The following KAT14 variants were observed in gnomAD, a reference collection of about 807,000 sequenced individuals.
KAT14 encodes cysteine-rich protein 2-binding protein.
A neutral mutation model predicts 78.4 loss-of-function variants in KAT14; 66 were observed. The ratio of observed to expected loss-of-function variants is 0.84; its 90% CI spans 0.69 to 1.03. KAT14 has a LOEUF of 1.03. Ranked by LOEUF, KAT14 falls within the 50% of genes least tolerant of loss-of-function variation. The pLI, the probability that KAT14 is intolerant of heterozygous loss-of-function variation, is 0.00. For missense variants in KAT14, 870 were observed against 972.5 expected, an observed-to-expected ratio of 0.89 and a Z score of 1.40; for synonymous variants, 344 against 359.4, an observed-to-expected ratio of 0.96 and a Z score of 0.48.
intron 8 of KAT14, 119 bp downstream of exon 8, chr20:18,181,965 A>G: frequency 6.8e-7 from 1 of 1,467,384 alleles, no homozygotes; most frequent in Non-Finnish European, 9.1e-7. Flanking sequence ...CAACATTGGC[A>G]AGGACTGAGT....
At chr20:18,166,970 C>T (rs553870838) in intron 7 of KAT14, among the ~76,000 whole-genome samples, 2 of 152,306 alleles carry the variant, frequency 1.3e-5, no homozygotes, top group East Asian at 3.9e-4. Flanking sequence ...CTTCTGGGCT[C>T]AGGATGCTGG....
chr20:18,162,518 A>T lies in KAT14; in HGVS notation c.1241A>T (p.Glu414Val), dbSNP rs1445700739. Residue 414 changes from glutamate to valine, a missense_variant, in exon 7 of 11, where the codon GAG (glutamate) becomes GTG (valine). Glu to Val is a moderately radical substitution (Grantham distance 121). Coordinates refer to ENST00000688188, the MANE Select transcript of KAT14 (RefSeq NM_001392073.1). ...RGPEQIKQEV[E>V]SEEEKPDRMD... Reference sequence around the variant, plus strand: ...CCTGAACAGATAAAGCAGGAGGTAGAGAGTGAGGAGGAAAAACCCGACAGG... The same window carrying T: ...CCTGAACAGATAAAGCAGGAGGTAGTGAGTGAGGAGGAAAAACCCGACAGG... 6.2e-7 allele frequency: 1 copy of T among 1,614,024 alleles called. No individual in the cohort carries two copies. Among genetic ancestry groups the T allele is most frequent in the Non-Finnish European group, 8.5e-7 (1 of 1,180,036 alleles).
At chr20:18,149,852 A>G (rs1010119021) in intron 3 of KAT14, among the ~76,000 whole-genome samples, 1 of 152,144 alleles carries the variant, frequency 6.6e-6, no homozygotes, top group Non-Finnish European at 1.5e-5. Context: ...TGGGAGGCTG[A>G]GGCAGGAAAA....
rs1159439248 is a variant in KAT14 at position 18,181,720 on chromosome 20, C to T, written c.1679C>T (p.Pro560Leu). The change falls in exon 8 of 11, where the codon CCG becomes CTG. Residue 560 changes from proline to leucine, a missense_variant. Transcript: ENST00000688188. ...RILDRYQTSLPSRKGFRHQTT... is the reference protein window; with the variant it reads ...RILDRYQTSLLSRKGFRHQTT... ...GTTTCTTTCTCATAGACTTCCTTGCCGTCCAGGAAGGGATTTCGACACCAG... is the reference window on the plus strand; with the variant it reads ...GTTTCTTTCTCATAGACTTCCTTGCTGTCCAGGAAGGGATTTCGACACCAG... The T allele has an allele frequency of 7.4e-6, 12 of 1,613,952 alleles. No homozygotes were observed. In the Admixed American group the frequency reaches 8.3e-5, roughly 11 times the overall value.
rs1391568121 is a variant in KAT14, at chr20:18,142,810, A to C, written c.150A>C (p.Leu50Phe). Residue 50 changes from leucine (L) to phenylalanine (F), a missense_variant, in exon 2 of 11, where the codon TTA becomes TTC. By Grantham distance (22) the Leu-to-Phe change is conservative (BLOSUM62 0). Transcript: ENST00000688188. ...CCGAGGATCAGGCATCAGTGGACTT[A>C]TCGCACGACCAGAGTGGGGATTCCC... ...VESEDQASVD[L>F]SHDQSGDSLN... 1 of 1,614,104 alleles carries C rather than the reference A, an allele frequency of 6.2e-7. No individual in the cohort carries two copies. Among genetic ancestry groups the C allele is most frequent in the Non-Finnish European group, 8.5e-7 (1 of 1,180,046 alleles).
intron 3 of KAT14, among the ~76,000 whole-genome samples, chr20:18,147,744 C>T (rs932491775): frequency 5.3e-5 from 8 of 152,118 alleles, no homozygotes; most frequent in African/African-American, 1.7e-4. Flanking sequence ...GCCACCATGC[C>T]TGGCTAATTT....
rs750866430 is a variant in KAT14, at chr20:18,162,697, C to T, written c.1420C>T (p.Leu474=). Residue 474 remains leucine (L), a synonymous_variant, in exon 7 of 11, where the codon CTG becomes TTG. Transcript: ENST00000688188. ...CGAGGAAAAGCTGCTGCTCAAGAGG[C>T]TGGAAGCTTGTCCCGGTGCTGTTGC... ...IYEEKLLLKR[L]EACPGAVAMT... The T allele has an allele frequency of 1.2e-6, 2 of 1,614,236 alleles. No individual in the cohort carries two copies. Among genetic ancestry groups the T allele is most frequent in the Admixed American group, 1.7e-5 (1 of 60,024 alleles).
intron 5 of KAT14, among the ~76,000 whole-genome samples, chr20:18,160,897 G>A (rs750351422): frequency 1.2e-4 from 19 of 152,150 alleles, no homozygotes; most frequent in South Asian, 2.1e-4. Flanking sequence ...TAATAAGGCC[G>A]GGCATGGTGG....
At chr20:18,153,747 T>C (rs2038129780) in intron 4 of KAT14, among the ~76,000 whole-genome samples, 1 of 152,254 alleles carries the variant, frequency 6.6e-6, no homozygotes, top group Non-Finnish European at 1.5e-5. Flanking sequence ...ACCGGAATTA[T>C]TATTTATTTG....
chr20:18,178,626 A>G (rs1346831055), intron 7 of KAT14, among the ~76,000 whole-genome samples: 2 of 152,172 alleles, frequency 1.3e-5, no homozygotes, highest in East Asian at 1.9e-4. Flanking sequence ...TGAGAACAGT[A>G]TGGTGGAAAC....
intron 1 of KAT14, 96 bp downstream of exon 1, chr20:18,138,147 T>G (rs2037368221): frequency 2.2e-6 from 3 of 1,340,936 alleles, no homozygotes; most frequent in Admixed American, 8.1e-5. Flanking sequence ...CAGCTCCTCT[T>G]CGTGTCTTTC....
intron 1 of KAT14, 78 bp from the exon 2 acceptor site, chr20:18,142,130 G>A (rs2037610371): frequency 1.0e-5 from 14 of 1,406,652 alleles, no homozygotes; most frequent in Admixed American, 2.7e-5. Context: ...TGGTAACACT[G>A]TTATTTGGAT....
At chr20:18,152,305 G>A (rs901713592) in intron 4 of KAT14, among the ~76,000 whole-genome samples, 4 of 151,744 alleles carry the variant, frequency 2.6e-5, no homozygotes, top group Non-Finnish European at 4.4e-5. Flanking sequence ...GGCTGGGCCC[G>A]GTAGCTCAGG....
chr20:18,141,922 GTTT>G (rs201293392), intron 1 of KAT14, among the ~76,000 whole-genome samples: 4 of 149,890 alleles, frequency 2.7e-5, no homozygotes, highest in Non-Finnish European at 5.9e-5. Context: ...CATAGTGCCA[GTTT>G]TTTTTTTCTG....
At chr20:18,156,945 T>C (rs2038248862) in intron 4 of KAT14, among the ~76,000 whole-genome samples, 1 of 152,258 alleles carries the variant, frequency 6.6e-6, no homozygotes, top group Non-Finnish European at 1.5e-5. Flanking sequence ...CCGATAATTT[T>C]ATAAACATTT....
chr20:18,167,318 A>G (rs2038675134), intron 7 of KAT14, among the ~76,000 whole-genome samples: 1 of 152,204 alleles, frequency 6.6e-6, no homozygotes, highest in East Asian at 1.9e-4. Context: ...ATCAGTTACT[A>G]TTTGTCCATC....
rs2037639712 is a variant in KAT14 at position 18,142,850 on chromosome 20, G to A, written c.190G>A (p.Gly64Arg). 4 of 1,614,180 alleles carry A rather than the reference G, an allele frequency of 2.5e-6. No homozygotes were observed. Among genetic ancestry groups the A allele is most frequent in the Non-Finnish European group, 2.5e-6 (3 of 1,180,034 alleles). Residue 64 changes from glycine (G) to arginine (R), a missense_variant, in exon 2 of 11, where the codon GGA becomes AGA. Physicochemically the swap from Gly to Arg is moderately radical, Grantham distance 125. Transcript: ENST00000688188. ...QSGDSLNSDE[G>R]DVSWMEEQLS... ...TGGGGATTCCCTCAACAGTGATGAAGGAGACGTGTCTTGGATGGAGGAGCA... is the reference window on the plus strand; with the variant it reads ...TGGGGATTCCCTCAACAGTGATGAAAGAGACGTGTCTTGGATGGAGGAGCA...
intron 4 of KAT14, among the ~76,000 whole-genome samples, chr20:18,156,424 A>G (rs1214696941): frequency 1.3e-5 from 2 of 152,212 alleles, no homozygotes; most frequent in Non-Finnish European, 2.9e-5. Context: ...ATTTTGGGGG[A>G]AAACTATTGA....
At chr20:18,154,811 G>A (rs1034150597) in intron 4 of KAT14, among the ~76,000 whole-genome samples, 1 of 152,230 alleles carries the variant, frequency 6.6e-6, no homozygotes, top group South Asian at 2.1e-4. Context: ...GTCAAAATTT[G>A]CAAAATTACG....
Sources: allele counts gnomAD v4.1 joint callset (sites outside exome capture counted in the v4.1 genomes callset), GRCh38; gene constraint gnomAD v4.1.1; transcripts MANE v1.5; gene names NCBI Gene and HGNC (gene_info 2026-07-23, HGNC 2026-07-21).